MAGI2: variants seen among roughly 807,000 people sequenced by gnomAD.
MAGI2 encodes membrane-associated guanylate kinase, WW and PDZ domain-containing protein 2.
Under a neutral mutation model 133.3 loss-of-function variants are expected in MAGI2, and 35 were observed. The ratio of observed to expected loss-of-function variants is 0.26; its 90% CI spans 0.20 to 0.35. The LOEUF (loss-of-function observed/expected upper bound fraction) is 0.35. Ranked by LOEUF, MAGI2 falls within the 10% of genes least tolerant of loss-of-function variation. MAGI2 has a pLI of 1.00. For missense variants in MAGI2, 1,636 were observed against 1,863.4 expected, an observed-to-expected ratio of 0.88 and a Z score of 2.25; for synonymous variants, 729 against 710.6, an observed-to-expected ratio of 1.03 and a Z score of -0.41.
intron 2 of MAGI2, among the ~76,000 whole-genome samples, chr7:78,868,068 C>T (rs951158953): frequency 2.0e-4 from 30 of 152,030 alleles, no homozygotes; most frequent in African/African-American, 7.3e-4. Flanking sequence ...TATTAATCTT[C>T]ACTGGAAATA....
At chr7:79,279,429 A>G (rs373829258) in intron 1 of MAGI2, among the ~76,000 whole-genome samples, 14 of 152,194 alleles carry the variant, frequency 9.2e-5, no homozygotes, top group South Asian at 4.1e-4. Flanking sequence ...GCCTGGACAG[A>G]GCCCTAGAAG....
chr7:78,962,769 AG>A (rs1199782509), intron 2 of MAGI2, among the ~76,000 whole-genome samples: 1 of 152,064 alleles, frequency 6.6e-6, no homozygotes, highest in African/African-American at 2.4e-5. Flanking sequence ...TAAAAATTAT[AG>A]ACTTACAGAG....
At chr7:78,072,048 T>C (rs1016406479) in intron 21 of MAGI2, among the ~76,000 whole-genome samples, 5 of 152,282 alleles carry the variant, frequency 3.3e-5, no homozygotes, top group East Asian at 3.9e-4. Context: ...AGGTAACACG[T>C]CCGGGCTCCC....
At chr7:78,887,597 A>G (rs1796368323) in intron 2 of MAGI2, among the ~76,000 whole-genome samples, 2 of 152,222 alleles carry the variant, frequency 1.3e-5, no homozygotes, top group Admixed American at 1.3e-4. Context: ...CATAAGACTA[A>G]CCAACTGATA....
At chr7:79,208,790 C>T (rs1052239391) in intron 1 of MAGI2, among the ~76,000 whole-genome samples, 2 of 151,788 alleles carry the variant, frequency 1.3e-5, no homozygotes, top group African/African-American at 4.9e-5. Context: ...AAGTGTTCAT[C>T]AGTGGATGAG....
intron 6 of MAGI2, among the ~76,000 whole-genome samples, chr7:78,374,733 A>G (rs953007852): frequency 3.3e-5 from 5 of 152,098 alleles, no homozygotes; most frequent in African/African-American, 9.7e-5. Flanking sequence ...CACACTATAT[A>G]TTAATGTGAA....
At chr7:78,501,242 CG>C (rs1229305108) in intron 5 of MAGI2, among the ~76,000 whole-genome samples, 3 of 152,054 alleles carry the variant, frequency 2.0e-5, no homozygotes, top group African/African-American at 7.2e-5. Flanking sequence ...TTTGACAAGA[CG>C]GGGGTCTTAG....
At chr7:79,255,907 G>T (rs1352278451) in intron 1 of MAGI2, among the ~76,000 whole-genome samples, 1 of 152,112 alleles carries the variant, frequency 6.6e-6, no homozygotes. Flanking sequence ...AGTTGAATGG[G>T]GTTGGTCACA....
At chr7:79,214,145 G>C (rs756642027) in intron 1 of MAGI2, among the ~76,000 whole-genome samples, 5 of 151,548 alleles carry the variant, frequency 3.3e-5, no homozygotes, top group Non-Finnish European at 7.4e-5. Context: ...TTTAAATACA[G>C]TCTCTGGGCA....
intron 1 of MAGI2, among the ~76,000 whole-genome samples, chr7:79,071,479 G>T (rs545995672): frequency 1.6e-3 from 251 of 152,292 alleles, no homozygotes; most frequent in Non-Finnish European, 3.0e-3. Context: ...CGAACGCTGT[G>T]CTGGGAGATC....
intron 6 of MAGI2, among the ~76,000 whole-genome samples, chr7:78,372,583 G>A (rs1585039029): frequency 1.3e-5 from 2 of 152,110 alleles, no homozygotes; most frequent in Non-Finnish European, 1.5e-5. Flanking sequence ...CTTGAGATCA[G>A]CAAGGTTAAT....
chr7:79,268,360 A>T (rs527289545), intron 1 of MAGI2, among the ~76,000 whole-genome samples: 379 of 152,308 alleles, frequency 2.5e-3, no homozygotes, highest in African/African-American at 8.8e-3. Flanking sequence ...TAATAAACAG[A>T]ACTTATATAG....
chr7:78,258,453 G>C (rs1238774485), intron 9 of MAGI2, among the ~76,000 whole-genome samples: 1 of 152,044 alleles, frequency 6.6e-6, no homozygotes, highest in African/African-American at 2.4e-5. Context: ...TTAATGATTG[G>C]AACATTGCTC....
chr7:79,337,095 T>C (rs1585620547), intron 1 of MAGI2, among the ~76,000 whole-genome samples: 1 of 152,298 alleles, frequency 6.6e-6, no homozygotes, highest in East Asian at 1.9e-4. Context: ...AACATCATGT[T>C]ATAACCTGAG....
chr7:79,449,465 A>C (rs1849087472), intron 1 of MAGI2, among the ~76,000 whole-genome samples: 2 of 151,988 alleles, frequency 1.3e-5, no homozygotes. Context: ...CCATAGTGCA[A>C]GGAATGTAGG....
intron 6 of MAGI2, among the ~76,000 whole-genome samples, chr7:78,429,107 A>G (rs150393531): frequency 2.6e-5 from 4 of 152,312 alleles, no homozygotes; most frequent in Admixed American, 6.5e-5. Context: ...ATTGGTTTCT[A>G]TAATGAGTAC....
At chr7:78,942,822 G>A (rs1801093124) in intron 2 of MAGI2, among the ~76,000 whole-genome samples, 1 of 151,406 alleles carries the variant, frequency 6.6e-6, no homozygotes, top group African/African-American at 2.4e-5. Context: ...GCTCATGAAA[G>A]AAGGGACCAT....
At chr7:78,951,210 T>C (rs1435985048) in intron 2 of MAGI2, among the ~76,000 whole-genome samples, 2 of 152,070 alleles carry the variant, frequency 1.3e-5, no homozygotes, top group Non-Finnish European at 2.9e-5. Flanking sequence ...CAACCTTAAG[T>C]GATCCACCAC....
In MAGI2 at chr7:78,501,866, G is replaced by A. The variant is rs1440555094; in HGVS notation, c.755-79C>T. 4.0e-6 allele frequency: 4 copies of A among 1,006,460 alleles called. No individual in the cohort carries two copies. The African/African-American group carries it at 6.4e-5, about 16-fold the overall frequency. The allele number at this position is 1,006,460 out of a possible 1,614,324, so 62.3% of individuals were successfully genotyped here. On this transcript the variant is annotated intron_variant, in intron 4 of 21. Coordinates refer to ENST00000354212, the MANE Select transcript of MAGI2 (RefSeq NM_012301.4). ...CTGAGTATGGAGAATGCTGTACCAG[G>A]GAATAAACGTCATGAATAACTTCTA...
Sources: allele counts gnomAD v4.1 joint callset (sites outside exome capture counted in the v4.1 genomes callset), GRCh38; gene constraint gnomAD v4.1.1; transcripts MANE v1.5; gene names NCBI Gene and HGNC (gene_info 2026-07-23, HGNC 2026-07-21).